The following ANXA3 variants were observed in gnomAD, a reference collection of about 807,000 sequenced individuals.
ANXA3 encodes the protein annexin A3.
In ANXA3, 46 loss-of-function variants were observed where a neutral mutation model predicts 48.8. That is an observed-to-expected ratio of 0.94 (90% CI 0.74 to 1.21). ANXA3 has a LOEUF of 1.21. Ranked by LOEUF, ANXA3 falls within the 50% of genes most tolerant of loss-of-function variation. The pLI, the probability that ANXA3 is intolerant of heterozygous loss-of-function variation, is 0.00. For missense variants in ANXA3, 383 were observed against 378.6 expected, an observed-to-expected ratio of 1.01 and a Z score of -0.10; for synonymous variants, 128 against 134.7, an observed-to-expected ratio of 0.95 and a Z score of 0.35.
chr4:78,574,700 C>T (rs1432314733), intron 3 of ANXA3, among the ~76,000 whole-genome samples: 1 of 152,150 alleles, frequency 6.6e-6, no homozygotes, highest in Non-Finnish European at 1.5e-5. Context: ...AGCTCTAGTG[C>T]ATTAATTTTA....
chr4:78,598,521 T>C (rs1723471181), intron 10 of ANXA3, among the ~76,000 whole-genome samples: 1 of 151,768 alleles, frequency 6.6e-6, no homozygotes, highest in Admixed American at 6.6e-5. Flanking sequence ...TTTTTTTCCA[T>C]TTTACATTGT....
intron 2 of ANXA3, among the ~76,000 whole-genome samples, chr4:78,557,048 G>A (rs1722529890): frequency 6.6e-6 from 1 of 152,218 alleles, no homozygotes; most frequent in Non-Finnish European, 1.5e-5. Flanking sequence ...TGTTGGGACT[G>A]CATTCCTTTC....
chr4:78,597,276 T>A (rs200781276), intron 9 of ANXA3, 43 bp from the exon 10 acceptor site: 1 of 1,281,762 alleles, frequency 7.8e-7, no homozygotes, highest in East Asian at 2.3e-5. Flanking sequence ...TCAAATGTGC[T>A]CAACTGCGTT....
chr4:78,590,328 T>A lies in ANXA3; in HGVS notation c.404-1216T>A, dbSNP rs542460313. On this transcript the variant is annotated intron_variant, in intron 6 of 12. Transcript: ENST00000264908. ...TTTGGTGGATTTTGCTTATATGAAT[T>A]GCTTTGAAAAGTTACAGATTTCATA... 3.9e-5 allele frequency among the ~76,000 whole-genome samples: 6 copies of A among 152,314 alleles called. No homozygotes were observed. In the South Asian group the frequency reaches 1.0e-3, roughly 26 times the overall value.
At chr4:78,604,102 G>A in intron 11 of ANXA3, 175 bp from the exon 12 acceptor site, 1 of 545,930 alleles carries the variant, frequency 1.8e-6, no homozygotes, top group Non-Finnish European at 3.0e-6. Flanking sequence ...CTGTCACAGA[G>A]TAGGTGCTCA....
At position 78,595,374 on chromosome 4, in the gene ANXA3, T is replaced by C. The variant is rs758683446; in HGVS notation, c.484-7T>C. The stretch of plus-strand genomic sequence containing the variant: ...AGGATGGCCCTTGTTTTCGTCCTCC[T>C]GTTTAGGGCAGAAGAGATGAAAGTC... On this transcript the variant is annotated splice_region_variant and splice_polypyrimidine_tract_variant and intron_variant, in intron 7 of 12. Coordinates refer to ENST00000264908, the MANE Select transcript of ANXA3 (RefSeq NM_005139.3). 9 of 1,613,950 alleles carry C rather than the reference T, an allele frequency of 5.6e-6. No individual in the cohort carries two copies. The South Asian group carries it at 9.9e-5, about 18-fold the overall frequency.
chr4:78,594,573 C>A (rs1051955478), intron 7 of ANXA3, among the ~76,000 whole-genome samples: 2 of 152,150 alleles, frequency 1.3e-5, no homozygotes, highest in South Asian at 4.1e-4. Context: ...TGGATTTAAG[C>A]CCTTCTAATA....
intron 2 of ANXA3, among the ~76,000 whole-genome samples, chr4:78,556,616 G>T (rs573041148): frequency 3.3e-5 from 5 of 152,276 alleles, no homozygotes; most frequent in Admixed American, 1.3e-4. Context: ...TGGATGGAAG[G>T]TGTGCTGTTG....
At chr4:78,562,247 G>A (rs1332411856) in intron 2 of ANXA3, among the ~76,000 whole-genome samples, 1 of 152,104 alleles carries the variant, frequency 6.6e-6, no homozygotes, top group Non-Finnish European at 1.5e-5. Flanking sequence ...AGTATATAGA[G>A]TACTGAGCAA....
intron 2 of ANXA3, among the ~76,000 whole-genome samples, chr4:78,563,021 A>G (rs1054188685): frequency 6.6e-6 from 1 of 152,180 alleles, no homozygotes; most frequent in Non-Finnish European, 1.5e-5. Flanking sequence ...GTACTTTATT[A>G]TCCTCCAAGG....
intron 12 of ANXA3, among the ~76,000 whole-genome samples, chr4:78,604,696 T>A (rs958157376): frequency 6.6e-6 from 1 of 152,254 alleles, no homozygotes; most frequent in Non-Finnish European, 1.5e-5. Flanking sequence ...GCACTGTTTT[T>A]ATTTATTTCA....
At chr4:78,577,488 AG>A (rs1444790769) in intron 3 of ANXA3, among the ~76,000 whole-genome samples, 3 of 152,248 alleles carry the variant, frequency 2.0e-5, no homozygotes, top group Non-Finnish European at 4.4e-5. Context: ...TACAATACAC[AG>A]CACCAAATTG....
At position 78,581,403 on chromosome 4, in the gene ANXA3, G is replaced by A. The variant is rs116627922; in HGVS notation, c.199-774G>A. ...AAAACAATATCAATAGGTAATGTCTGTAAGAGGCTAAATTCTAGTGTTCCA... is the reference window on the plus strand; with the variant it reads ...AAAACAATATCAATAGGTAATGTCTATAAGAGGCTAAATTCTAGTGTTCCA... On this transcript the variant is annotated intron_variant, in intron 4 of 12. Coordinates refer to ENST00000264908, the MANE Select transcript of ANXA3 (RefSeq NM_005139.3). Among the ~76,000 whole-genome samples the A allele has an allele frequency of 5.4e-3, 820 of 152,304 alleles. 4 individuals carry two copies. Among genetic ancestry groups the A allele is most frequent in the African/African-American group, 0.019 (780 of 41,570 alleles).
intron 7 of ANXA3, among the ~76,000 whole-genome samples, chr4:78,593,184 T>C (rs1182064693): frequency 6.7e-6 from 1 of 148,812 alleles, no homozygotes; most frequent in Admixed American, 6.7e-5. Context: ...AATATCACAG[T>C]TGGGGATCTT....
intron 4 of ANXA3, among the ~76,000 whole-genome samples, chr4:78,579,676 C>A (rs1412535993): frequency 1.3e-5 from 2 of 152,152 alleles, no homozygotes; most frequent in African/African-American, 4.8e-5. Context: ...TATATAAGAA[C>A]AAGTAACTTT....
intron 6 of ANXA3, among the ~76,000 whole-genome samples, chr4:78,590,415 G>A (rs1723265624): frequency 6.6e-6 from 1 of 152,124 alleles, no homozygotes; most frequent in South Asian, 2.1e-4. Flanking sequence ...TCTTGCTATT[G>A]GATAATCTCA....
intron 2 of ANXA3, among the ~76,000 whole-genome samples, chr4:78,557,909 G>GTATC (rs1174682054): frequency 1.3e-5 from 2 of 152,150 alleles, no homozygotes; most frequent in East Asian, 3.8e-4. Flanking sequence ...TTAAAGAAAG[G>GTATC]TATCTATACA....
At chr4:78,588,395 A>G (rs1176176333) in intron 6 of ANXA3, among the ~76,000 whole-genome samples, 3 of 152,016 alleles carry the variant, frequency 2.0e-5, no homozygotes, top group Non-Finnish European at 2.9e-5. Context: ...CTTGTCTTGG[A>G]AAAAAAAGAA....
chr4:78,598,544 CT>C (rs60845932), intron 10 of ANXA3, among the ~76,000 whole-genome samples: 13,776 of 150,452 alleles, frequency 0.092, 2,047 homozygotes, highest in African/African-American at 0.31. Flanking sequence ...ATCTTTTTTT[CT>C]TTTTTTTTCT....
Sources: gnomAD v4.1 joint callset for allele counts (sites outside exome capture counted in the v4.1 genomes callset) on GRCh38, gnomAD v4.1.1 for gene constraint, MANE v1.5 for transcripts, NCBI Gene and HGNC (gene_info 2026-07-23, HGNC 2026-07-21) for gene names.